The following ANXA4 variants were observed in gnomAD, a reference collection of about 807,000 sequenced individuals.
ANXA4 encodes 35-beta calcimedin.
Under a neutral mutation model 49.8 loss-of-function variants are expected in ANXA4, and 39 were observed. The observed-to-expected ratio is 0.78, with a 90% CI of 0.61 to 1.02. The LOEUF (loss-of-function observed/expected upper bound fraction) is 1.02. Among genes scored for constraint, ANXA4 ranks in the 50% least tolerant of loss-of-function variants. The pLI is 0.00. For synonymous variants in ANXA4, 134 were observed against 152.5 expected, an observed-to-expected ratio of 0.88 and a Z score of 0.89; for missense variants, 360 against 410.1, an observed-to-expected ratio of 0.88 and a Z score of 1.05.
chr2:69,649,209 C>G (rs1250169872), intron 1 of ANXA4, among the ~76,000 whole-genome samples: 2 of 152,014 alleles, frequency 1.3e-5, no homozygotes, highest in Non-Finnish European at 2.9e-5. Context: ...TAAACTGAGC[C>G]TTGTCTTCTT....
At chr2:69,799,317 GA>G (rs1364861157) in intron 3 of ANXA4, among the ~76,000 whole-genome samples, 1 of 152,142 alleles carries the variant, frequency 6.6e-6, no homozygotes, top group Non-Finnish European at 1.5e-5. Context: ...AAAGGGAAAG[GA>G]ATGTGCTTAT....
chr2:69,691,352 T>G (rs1353220883), intron 2 of ANXA4, among the ~76,000 whole-genome samples: 1 of 151,908 alleles, frequency 6.6e-6, no homozygotes, highest in African/African-American at 2.4e-5. Flanking sequence ...TGACCTCAAG[T>G]AATCCACCCG....
At chr2:69,706,073 T>A (rs1319540317) in intron 2 of ANXA4, among the ~76,000 whole-genome samples, 1 of 151,758 alleles carries the variant, frequency 6.6e-6, no homozygotes, top group East Asian at 1.9e-4. Flanking sequence ...AATATCTTCT[T>A]TCTTTAATGG....
At chr2:69,685,931 T>C (rs1677770385) in intron 2 of ANXA4, among the ~76,000 whole-genome samples, 1 of 152,284 alleles carries the variant, frequency 6.6e-6, no homozygotes. Flanking sequence ...GTACTGACTT[T>C]GTGGCACTGA....
chr2:69,811,771 A>G (rs1673713203), intron 7 of ANXA4, among the ~76,000 whole-genome samples: 1 of 152,122 alleles, frequency 6.6e-6, no homozygotes, highest in African/African-American at 2.4e-5. Flanking sequence ...AAGAAGCAGA[A>G]CCCTGGAAAT....
chr2:69,676,809 C>T (rs1677428936), intron 2 of ANXA4, among the ~76,000 whole-genome samples: 1 of 152,192 alleles, frequency 6.6e-6, no homozygotes, highest in Non-Finnish European at 1.5e-5. Flanking sequence ...AGGAGAATTG[C>T]TTGAACCCGG....
At chr2:69,647,532 C>T (rs1442710442) in intron 1 of ANXA4, among the ~76,000 whole-genome samples, 1 of 151,826 alleles carries the variant, frequency 6.6e-6, no homozygotes, top group Non-Finnish European at 1.5e-5. Context: ...CCTCAGCCTC[C>T]CGAGTAGCGG....
At chr2:69,694,517 T>TC (rs1559085670) in intron 2 of ANXA4, among the ~76,000 whole-genome samples, 1 of 18,772 alleles carries the variant, frequency 5.3e-5, no homozygotes, top group Non-Finnish European at 1.1e-4. Flanking sequence ...CCCTCCCCCC[T>TC]CCCCCCTCCC....
At chr2:69,751,092 A>G (rs992053106) in intron 1 of ANXA4, among the ~76,000 whole-genome samples, 3 of 152,170 alleles carry the variant, frequency 2.0e-5, no homozygotes, top group Non-Finnish European at 2.9e-5. Flanking sequence ...ATCATTGCCA[A>G]TGTAAATGAG....
intron 1 of ANXA4, among the ~76,000 whole-genome samples, chr2:69,766,926 G>C (rs1012093450): frequency 2.6e-5 from 4 of 152,078 alleles, no homozygotes; most frequent in African/African-American, 9.7e-5. Flanking sequence ...ACTCTTTCTG[G>C]GGGGCAAGAA....
At chr2:69,704,167 C>T (rs1484474075) in intron 2 of ANXA4, among the ~76,000 whole-genome samples, 2 of 152,070 alleles carry the variant, frequency 1.3e-5, no homozygotes, top group Admixed American at 6.5e-5. Context: ...AATAATACCC[C>T]TTAATAGAGA....
chr2:69,747,975 G>A lies in ANXA4; in HGVS notation c.-47+5800G>A, dbSNP rs148645462. 4.3e-4 allele frequency among the ~76,000 whole-genome samples: 65 copies of A among 152,174 alleles called. 1 individual carries two copies. The highest frequency in any genetic ancestry group is 1.4e-3 in the African/African-American group (60 of 41,518). The stretch of plus-strand genomic sequence containing the variant: ...GATTACAGGCATGAACCACTGGCCC[G>A]AAATTATTTAAAAATATTGTATAAA... On this transcript the variant is annotated intron_variant, in intron 1 of 12. Coordinates refer to ENST00000394295, the MANE Select transcript of ANXA4 (RefSeq NM_001153.5).
At chr2:69,745,543 T>C (rs1670575104) in intron 1 of ANXA4, among the ~76,000 whole-genome samples, 6 of 152,144 alleles carry the variant, frequency 3.9e-5, no homozygotes, top group Admixed American at 3.9e-4. Context: ...TATTTTTTTA[T>C]TTTTTGAGAC....
intron 2 of ANXA4, among the ~76,000 whole-genome samples, chr2:69,692,549 A>G (rs1378143884): frequency 6.6e-6 from 1 of 152,182 alleles, no homozygotes; most frequent in Non-Finnish European, 1.5e-5. Flanking sequence ...AATTGTTTGC[A>G]TATTGCCTGT....
chr2:69,781,681 G>C (rs922690288), intron 2 of ANXA4, 107 bp downstream of exon 2: 1 of 1,331,592 alleles, frequency 7.5e-7, no homozygotes, highest in Non-Finnish European at 1.1e-6. Flanking sequence ...CTCAACAGAG[G>C]GGAAGGAGGA....
At chr2:69,702,539 T>G (rs1678363326) in intron 2 of ANXA4, among the ~76,000 whole-genome samples, 1 of 149,404 alleles carries the variant, frequency 6.7e-6, no homozygotes, top group Non-Finnish European at 1.5e-5. Flanking sequence ...CTGGGCAATA[T>G]AGTGAGACCT....
intron 8 of ANXA4, chr2:69,814,798 G>C (rs1210642320): frequency 1.1e-5 from 1 of 92,752 alleles, no homozygotes; most frequent in Non-Finnish European, 2.0e-5. Flanking sequence ...GTGTGTGAGA[G>C]AAAGAGAGAG....
chr2:69,647,420 A>ATTTTTTT (rs1553425509), intron 1 of ANXA4, among the ~76,000 whole-genome samples: 1 of 138,884 alleles, frequency 7.2e-6, no homozygotes, highest in Non-Finnish European at 1.5e-5. Flanking sequence ...TTATTTATTT[A>ATTTTTTT]TTTTTTGAGA....
chr2:69,743,179 C>G (rs1472565235), intron 1 of ANXA4, among the ~76,000 whole-genome samples: 1 of 152,052 alleles, frequency 6.6e-6, no homozygotes, highest in East Asian at 1.9e-4. Context: ...ATAGTCTCAG[C>G]TATTCAGGAG....
Sources: gnomAD v4.1 joint callset for allele counts (sites outside exome capture counted in the v4.1 genomes callset) on GRCh38, gnomAD v4.1.1 for gene constraint, MANE v1.5 for transcripts, NCBI Gene and HGNC (gene_info 2026-07-23, HGNC 2026-07-21) for gene names.